The following ADI1 variants were observed in gnomAD, a reference collection of about 807,000 sequenced individuals.
ADI1 encodes acireductone dioxygenase.
Under a neutral mutation model 18.7 loss-of-function variants are expected in ADI1, and 21 were observed. The ratio of observed to expected loss-of-function variants is 1.13; its 90% CI spans 0.80 to 1.62. ADI1 has a LOEUF of 1.62. Among genes scored for constraint, ADI1 ranks in the 40% most tolerant of loss-of-function variants. The pLI is 0.00. For synonymous variants in ADI1, 90 were observed against 100.1 expected, an observed-to-expected ratio of 0.90 and a Z score of 0.60; for missense variants, 245 against 254.9, an observed-to-expected ratio of 0.96 and a Z score of 0.26.
chr2:3,504,061 A>G (rs1403106919), intron 2 of ADI1, among the ~76,000 whole-genome samples: 1 of 152,236 alleles, frequency 6.6e-6, no homozygotes, highest in Non-Finnish European at 1.5e-5. Flanking sequence ...TTCATGGTCT[A>G]AAAGTAACTT....
chr2:3,513,814 A>G (rs749281169), intron 2 of ADI1, 43 bp downstream of exon 2: 10 of 1,566,078 alleles, frequency 6.4e-6, no homozygotes, highest in Non-Finnish European at 8.6e-6. Context: ...TTAGTAGTGA[A>G]TATAATGATA....
intron 2 of ADI1, among the ~76,000 whole-genome samples, chr2:3,510,404 A>G (rs1431393178): frequency 6.6e-6 from 1 of 152,176 alleles, no homozygotes; most frequent in Non-Finnish European, 1.5e-5. Flanking sequence ...GGGAACTTAG[A>G]AAAAAGAGCA....
At chr2:3,504,726 G>A (rs1011026803) in intron 2 of ADI1, among the ~76,000 whole-genome samples, 2 of 152,046 alleles carry the variant, frequency 1.3e-5, no homozygotes, top group South Asian at 2.1e-4. Flanking sequence ...GTTCGCCTGC[G>A]TATGTTTGTA....
chr2:3,503,138 C>T (rs368965975), intron 2 of ADI1, among the ~76,000 whole-genome samples: 3 of 152,202 alleles, frequency 2.0e-5, no homozygotes, highest in Admixed American at 6.5e-5. Context: ...AACCTACACA[C>T]GCACACACAC....
intron 2 of ADI1, among the ~76,000 whole-genome samples, chr2:3,501,273 C>T (rs933049789): frequency 6.6e-6 from 1 of 152,230 alleles, no homozygotes; most frequent in Admixed American, 6.5e-5. Context: ...CTCACCCAAC[C>T]CGCACGGCCC....
At chr2:3,501,040 G>C in intron 2 of ADI1, 47 bp from the exon 3 acceptor site, 1 of 1,506,510 alleles carries the variant, frequency 6.6e-7, no homozygotes, top group African/African-American at 1.4e-5. Flanking sequence ...GACCTGTCAC[G>C]CAAGCTCACA....
chr2:3,500,513 G>A (rs1441913525), intron 3 of ADI1: 7 of 504,814 alleles, frequency 1.4e-5, no homozygotes, highest in South Asian at 7.4e-5. Context: ...GGCCAGGCTC[G>A]TGGGTGTGTA....
At chr2:3,515,578 C>T (rs1667387761) in intron 1 of ADI1, 1 of 152,086 alleles carries the variant, frequency 6.6e-6, no homozygotes, top group African/African-American at 2.4e-5. Flanking sequence ...AGTGGTTCTG[C>T]TTTTGCCCTT....
In ADI1 at chr2:3,516,063, G is replaced by A. The variant is rs775130855; in HGVS notation, c.121-2087C>T. 1,033 of 980,762 alleles carry A rather than the reference G, an allele frequency of 1.1e-3. 4 individuals are homozygous for A. Among genetic ancestry groups the A allele is most frequent in the Non-Finnish European group, 1.2e-3 (987 of 825,808 alleles). The allele number at this position is 980,762 out of a possible 1,614,324, so 60.8% of individuals were successfully genotyped here. On this transcript the variant is annotated intron_variant, in intron 1 of 3. Transcript: ENST00000327435. ...TGTAATATGACACATTATATGACAC[G>A]TGTCATAAGTTTAAATATACGAATG...
At chr2:3,501,954 T>C (rs996815039) in intron 2 of ADI1, among the ~76,000 whole-genome samples, 2 of 151,916 alleles carry the variant, frequency 1.3e-5, no homozygotes, top group Admixed American at 6.6e-5. Flanking sequence ...ACTGTGCCCT[T>C]ATAATCTGAT....
At position 3,499,024 on chromosome 2, in the gene ADI1, C is replaced by T. The variant is rs754878202; in HGVS notation, c.479G>A (p.Arg160Gln). Residue 160 changes from arginine (R) to glutamine (Q), a missense_variant, in exon 4 of 4, where the codon CGG becomes CAG. Coordinates refer to ENST00000327435, the MANE Select transcript of ADI1 (RefSeq NM_018269.4). ...VGEPVWTAYN[R>Q]PADHFEARGQ... is the part of the protein sequence containing the mutation. ...GCGGGCTTCAAAATGGTCAGCGGGC[C>T]GGTTGTACGCTGTCCACACCGGTTC... 5.0e-6 allele frequency: 8 copies of T among 1,613,940 alleles called. No homozygotes were observed. The highest frequency in any genetic ancestry group is 3.3e-4 in the Middle Eastern group (2 of 6,082).
At position 3,516,789 on chromosome 2, in the gene ADI1, CTA is replaced by C. The variant is rs992621973; in HGVS notation, c.120+2577_120+2578del. On this transcript the variant is annotated intron_variant, in intron 1 of 3. Coordinates refer to ENST00000327435, the MANE Select transcript of ADI1 (RefSeq NM_018269.4). ...GTATGACAAAAGGTTTTTTAGAACT[CTA>C]TGTCACTAATAACAGATTGATTAAA... The C allele has an allele frequency of 5.1e-6, 5 of 985,288 alleles. No homozygotes were observed. In the African/African-American group the frequency reaches 7.0e-5, roughly 14 times the overall value. The allele number at this position is 985,288 out of a possible 1,614,324, so 61.0% of individuals were successfully genotyped here.
At chr2:3,500,483 C>G in intron 3 of ADI1, 1 of 467,148 alleles carries the variant, frequency 2.1e-6, no homozygotes, top group Non-Finnish European at 3.9e-6. Flanking sequence ...TGCCTCACCG[C>G]CAAGCAAGGG....
rs774752301 is a variant in ADI1 at position 3,498,998 on chromosome 2, C to T, written c.505G>A (p.Gly169Arg). Residue 169 changes from glycine (G) to arginine (R), a missense_variant, in exon 4 of 4, where the codon GGG becomes AGG. Coordinates refer to ENST00000327435, the MANE Select transcript of ADI1 (RefSeq NM_018269.4). ...NRPADHFEAR[G>R]QYVKFLAQTA ...TGTGCCAGAAATTTCACGTACTGCC[C>T]GCGGGCTTCAAAATGGTCAGCGGGC... 3.5e-5 allele frequency: 57 copies of T among 1,613,808 alleles called. No individual in the cohort carries two copies. The highest frequency in any genetic ancestry group is 8.3e-5 in the Admixed American group (5 of 59,998).
chr2:3,505,977 C>T (rs73135002), intron 2 of ADI1, among the ~76,000 whole-genome samples: 2,977 of 152,304 alleles, frequency 0.02, 98 homozygotes, highest in African/African-American at 0.067. Flanking sequence ...TGACCTTGGG[C>T]GTCCCTGCCT....
At chr2:3,502,448 CT>C (rs1558425090) in intron 2 of ADI1, among the ~76,000 whole-genome samples, 1 of 123,438 alleles carries the variant, frequency 8.1e-6, no homozygotes, top group African/African-American at 4.1e-5. Context: ...ACGGAAATAG[CT>C]CTTTTTTTTT....
At chr2:3,514,122 T>C in intron 1 of ADI1, 146 bp from the exon 2 acceptor site, 2 of 979,972 alleles carry the variant, frequency 2.0e-6, no homozygotes, top group East Asian at 5.4e-5. Flanking sequence ...CTTCATCTCC[T>C]CTAGCCATTT....
chr2:3,505,122 C>T (rs1057346454), intron 2 of ADI1, among the ~76,000 whole-genome samples: 1 of 152,176 alleles, frequency 6.6e-6, no homozygotes, highest in African/African-American at 2.4e-5. Context: ...TGTCAGTTTA[C>T]CTGCGTATGT....
chr2:3,508,349 A>T (rs1290472960), intron 2 of ADI1, among the ~76,000 whole-genome samples: 1 of 150,262 alleles, frequency 6.7e-6, no homozygotes, highest in African/African-American at 2.4e-5. Context: ...AAAAAAAAAA[A>T]AAAAAAAAAA....
Sources: gnomAD v4.1 joint callset for allele counts (sites outside exome capture counted in the v4.1 genomes callset) on GRCh38, gnomAD v4.1.1 for gene constraint, MANE v1.5 for transcripts, NCBI Gene and HGNC (gene_info 2026-07-23, HGNC 2026-07-21) for gene names.